THSD7A: variants seen among roughly 807,000 people sequenced by gnomAD.
THSD7A encodes thrombospondin type-1 domain-containing protein 7A.
In THSD7A, 96 loss-of-function variants were observed where a neutral mutation model predicts 231.3. The observed-to-expected ratio is 0.41, with a 90% CI of 0.35 to 0.49. The LOEUF (loss-of-function observed/expected upper bound fraction) is 0.49. Among genes scored for constraint, THSD7A ranks in the 20% least tolerant of loss-of-function variants. The pLI, the probability that THSD7A is intolerant of heterozygous loss-of-function variation, is 0.05. For synonymous variants in THSD7A, 940 were observed against 743.3 expected, an observed-to-expected ratio of 1.26 and a Z score of -4.30; for missense variants, 2,290 against 2,070.2, an observed-to-expected ratio of 1.11 and a Z score of -2.06.
At chr7:11,488,507 C>G (rs1786755694) in intron 6 of THSD7A, among the ~76,000 whole-genome samples, 1 of 152,040 alleles carries the variant, frequency 6.6e-6, no homozygotes, top group South Asian at 2.1e-4. Context: ...CAAAATGAAG[C>G]TACATATTGC....
At chr7:11,717,616 C>T (rs75021113) in intron 1 of THSD7A, among the ~76,000 whole-genome samples, 8,498 of 151,664 alleles carry the variant, frequency 0.056, 252 homozygotes, top group East Asian at 0.13. Flanking sequence ...TCTGTGGAGA[C>T]TTCTATCCAC....
chr7:11,717,548 G>C (rs1781183024), intron 1 of THSD7A, among the ~76,000 whole-genome samples: 1 of 151,450 alleles, frequency 6.6e-6, no homozygotes, highest in East Asian at 2.0e-4. Context: ...TTCTTTATTG[G>C]AACCAACCTT....
At chr7:11,600,464 C>T (rs1314319055) in intron 2 of THSD7A, among the ~76,000 whole-genome samples, 1 of 151,992 alleles carries the variant, frequency 6.6e-6, no homozygotes, top group East Asian at 1.9e-4. Context: ...TCTACTTGTA[C>T]TTTAATTAAA....
At chr7:11,542,177 T>C (rs192880081) in intron 5 of THSD7A, among the ~76,000 whole-genome samples, 1 of 152,206 alleles carries the variant, frequency 6.6e-6, no homozygotes, top group Non-Finnish European at 1.5e-5. Context: ...CTCTGGAAAT[T>C]TGAATTAGGA....
chr7:11,828,647 T>C lies in THSD7A; in HGVS notation c.190+3110A>G, dbSNP rs546257625. Among the ~76,000 whole-genome samples the C allele has an allele frequency of 1.4e-3, 214 of 152,186 alleles. 3 individuals carry two copies. Among genetic ancestry groups the C allele is most frequent in the Non-Finnish European group, 4.1e-4 (28 of 68,028 alleles). On this transcript the variant is annotated intron_variant, in intron 1 of 27. Coordinates refer to ENST00000423059, the MANE Select transcript of THSD7A (RefSeq NM_015204.3). ...AATGGCAGGGATGGCAGTATCCCATTCAGCTTTTACCACAGTGGTTACATA... is the reference window on the plus strand; with the variant it reads ...AATGGCAGGGATGGCAGTATCCCATCCAGCTTTTACCACAGTGGTTACATA...
chr7:11,673,740 G>C (rs1397120145), intron 1 of THSD7A, among the ~76,000 whole-genome samples: 6 of 152,162 alleles, frequency 3.9e-5, no homozygotes, highest in African/African-American at 1.4e-4. Context: ...TGGCTTGATA[G>C]TCAAGGCTTC....
intron 1 of THSD7A, among the ~76,000 whole-genome samples, chr7:11,719,416 T>C (rs902139543): frequency 4.2e-4 from 64 of 151,850 alleles, no homozygotes; most frequent in African/African-American, 1.5e-3. Context: ...ATAAACTCCT[T>C]TGAAGCTCAT....
At chr7:11,811,113 G>T (rs1784517317) in intron 1 of THSD7A, among the ~76,000 whole-genome samples, 1 of 152,088 alleles carries the variant, frequency 6.6e-6, no homozygotes, top group African/African-American at 2.4e-5. Context: ...TATTTTATTA[G>T]TTTACAATAT....
At chr7:11,787,175 A>C (rs183256364) in intron 1 of THSD7A, among the ~76,000 whole-genome samples, 15 of 152,250 alleles carry the variant, frequency 9.9e-5, no homozygotes, top group Admixed American at 8.5e-4. Context: ...AGGCAATTTC[A>C]ACAAATCATG....
intron 1 of THSD7A, among the ~76,000 whole-genome samples, chr7:11,712,972 C>CT (rs767978918): frequency 2.0e-5 from 3 of 151,076 alleles, no homozygotes; most frequent in Admixed American, 6.6e-5. Flanking sequence ...ATTTCTCCGT[C>CT]TTTTTTACTT....
chr7:11,648,445 G>A (rs74514801), intron 1 of THSD7A, among the ~76,000 whole-genome samples: 13,414 of 151,942 alleles, frequency 0.088, 799 homozygotes, highest in Non-Finnish European at 0.14. Flanking sequence ...TTTTTTTGTT[G>A]TTGTTCTGTG....
intron 1 of THSD7A, among the ~76,000 whole-genome samples, chr7:11,755,341 A>G (rs1177719096): frequency 6.6e-6 from 1 of 152,160 alleles, no homozygotes; most frequent in Non-Finnish European, 1.5e-5. Context: ...TACAATACCA[A>G]TTAAAAGCAT....
At chr7:11,792,046 A>G (rs1010084082) in intron 1 of THSD7A, among the ~76,000 whole-genome samples, 1 of 151,932 alleles carries the variant, frequency 6.6e-6, no homozygotes, top group Admixed American at 6.6e-5. Context: ...TATTCTCTGT[A>G]TATTTCCCAC....
At position 11,541,440 on chromosome 7, in the gene THSD7A, C is replaced by G; in HGVS notation, c.1801G>C (p.Val601Leu). ...TTACCATCACTGTTGATGCACACAA[C>G]CTCTTGAACTTGCGTGCCTGGACCA... is the stretch of plus-strand genomic sequence containing the variant. ...ECGPGTQVQE[V>L]VCINSDGEEV... is the part of the protein sequence containing the mutation. The change falls in exon 6 of 28, where the codon GTT becomes CTT. Residue 601 changes from valine (V) to leucine (L), a missense_variant. Coordinates refer to ENST00000423059, the MANE Select transcript of THSD7A (RefSeq NM_015204.3). The G allele has an allele frequency of 6.2e-7, 1 of 1,613,930 alleles. No homozygotes were observed. The highest frequency in any genetic ancestry group is 8.5e-7 in the Non-Finnish European group (1 of 1,179,880).
intron 1 of THSD7A, among the ~76,000 whole-genome samples, chr7:11,734,127 G>C (rs1185994563): frequency 6.6e-6 from 1 of 151,760 alleles, no homozygotes; most frequent in Non-Finnish European, 1.5e-5. Context: ...CCAAATCCAA[G>C]GAAATTCAAC....
intron 2 of THSD7A, among the ~76,000 whole-genome samples, chr7:11,617,259 T>G (rs940649589): frequency 6.6e-6 from 1 of 152,172 alleles, no homozygotes; most frequent in Non-Finnish European, 1.5e-5. Flanking sequence ...CATACACACA[T>G]GCATACACAT....
At position 11,811,226 on chromosome 7, in the gene THSD7A, G is replaced by GCA. The variant is rs142924761; in HGVS notation, c.190+20529_190+20530dup. ...GCACATTAACCGACAGAATTATCAA[G>GCA]CACACACACACACACGAAACAATGC... On this transcript the variant is annotated intron_variant, in intron 1 of 27. Transcript: ENST00000423059. Among the ~76,000 whole-genome samples, 1,123 of 151,408 alleles carry GCA rather than the reference G, an allele frequency of 7.4e-3. 13 individuals carry two copies. The highest frequency in any genetic ancestry group is 0.026 in the African/African-American group (1,066 of 41,332).
At position 11,447,318 on chromosome 7, in the gene THSD7A, C is replaced by A. The variant is rs1157482558; in HGVS notation, c.2712G>T (p.Gln904His). 1.2e-6 allele frequency: 2 copies of A among 1,612,930 alleles called. No individual in the cohort carries two copies. Among genetic ancestry groups the A allele is most frequent in the African/African-American group, 2.7e-5 (2 of 74,976 alleles). Residue 904 changes from glutamine to histidine, a missense_variant, in exon 12 of 28, where the codon CAG becomes CAT. Coordinates refer to ENST00000423059, the MANE Select transcript of THSD7A (RefSeq NM_015204.3). ...ACCAGCTGGTCAATTGACAGTCATC[C>A]TGGCAGGGGATCTGGCAGGCCTGGG... ...ALTQACQIPC[Q>H]DDCQLTSWSK...
At chr7:11,538,301 T>G (rs1788998378) in intron 6 of THSD7A, among the ~76,000 whole-genome samples, 1 of 152,150 alleles carries the variant, frequency 6.6e-6, no homozygotes, top group South Asian at 2.1e-4. Flanking sequence ...GTGTCAATAT[T>G]CGATATCTGA....
Sources: gnomAD v4.1 joint callset for allele counts (sites outside exome capture counted in the v4.1 genomes callset) on GRCh38, gnomAD v4.1.1 for gene constraint, MANE v1.5 for transcripts, NCBI Gene and HGNC (gene_info 2026-07-23, HGNC 2026-07-21) for gene names.